Variants in GPR39 observed in about 807,000 individuals in gnomAD.
GPR39 encodes the protein G protein-coupled receptor 39.
Under a neutral mutation model 18.4 loss-of-function variants are expected in GPR39, and 23 were observed. That is an observed-to-expected ratio of 1.25 (90% CI 0.90 to 1.77). GPR39 has a LOEUF of 1.77. GPR39 is among the 40% of genes most tolerant of loss of function. The probability of loss-of-function intolerance (pLI) is 0.00; values close to 1 mark genes in which losing one functional copy is unlikely to be tolerated. For synonymous variants in GPR39, 280 were observed against 257.9 expected, an observed-to-expected ratio of 1.09 and a Z score of -0.82; for missense variants, 647 against 602.4, an observed-to-expected ratio of 1.07 and a Z score of -0.78.
chr2:132,588,733 GC>G (rs1308117111), intron 1 of GPR39, among the ~76,000 whole-genome samples: 1 of 152,180 alleles, frequency 6.6e-6, no homozygotes, highest in Non-Finnish European at 1.5e-5. Flanking sequence ...CAGACCTGGT[GC>G]CAGAGGTCAC....
Position 132,614,726 on chromosome 2 carries a change from A to G in GPR39, c.857-30375A>G, listed in dbSNP as rs1681302668. 2.6e-5 allele frequency among the ~76,000 whole-genome samples: 4 copies of G among 151,272 alleles called. No homozygotes were observed. The South Asian group carries it at 8.4e-4, about 32-fold the overall frequency. On this transcript the variant is annotated intron_variant, in intron 1 of 1. Coordinates refer to ENST00000329321, the MANE Select transcript of GPR39 (RefSeq NM_001508.3). ...CCACCACACCAGGCTAATTTTTTTT[A>G]TCTTTAGTAGAGATGGGGTTTTACC...
At chr2:132,511,234 C>T (rs1215218309) in intron 1 of GPR39, among the ~76,000 whole-genome samples, 1 of 152,098 alleles carries the variant, frequency 6.6e-6, no homozygotes, top group African/African-American at 2.4e-5. Flanking sequence ...CAAACCAAAC[C>T]TGATATTTTA....
At chr2:132,589,225 A>T (rs1037393181) in intron 1 of GPR39, among the ~76,000 whole-genome samples, 2 of 151,760 alleles carry the variant, frequency 1.3e-5, no homozygotes, top group African/African-American at 4.8e-5. Flanking sequence ...CCCCCTCCCC[A>T]TTGCCCCTCT....
chr2:132,498,641 A>G (rs1165239960), intron 1 of GPR39, among the ~76,000 whole-genome samples: 2 of 152,156 alleles, frequency 1.3e-5, no homozygotes, highest in African/African-American at 4.8e-5. Context: ...TTCTTTGAGG[A>G]ATCTTCACAC....
chr2:132,633,340 G>GTC (rs1681685822), intron 1 of GPR39, among the ~76,000 whole-genome samples: 1 of 37,308 alleles, frequency 2.7e-5, no homozygotes, highest in Non-Finnish European at 5.7e-5. Context: ...AAATACCTCT[G>GTC]TGTGTGTGTG....
chr2:132,564,818 T>TTTTTTTTC (rs1340706648), intron 1 of GPR39, among the ~76,000 whole-genome samples: 2 of 131,668 alleles, frequency 1.5e-5, no homozygotes, highest in Non-Finnish European at 3.2e-5. Flanking sequence ...TTCTTTTTTT[T>TTTTTTTTC]TTTTTTTTTT....
intron 1 of GPR39, among the ~76,000 whole-genome samples, chr2:132,441,375 G>A (rs1408888540): frequency 8.7e-6 from 1 of 115,434 alleles, no homozygotes; most frequent in African/African-American, 3.1e-5. Flanking sequence ...TTCTTTTCAT[G>A]CATATATGCT....
At chr2:132,546,195 C>T (rs1290817608) in intron 1 of GPR39, among the ~76,000 whole-genome samples, 2 of 152,106 alleles carry the variant, frequency 1.3e-5, no homozygotes, top group Admixed American at 6.5e-5. Context: ...CAGAATCACT[C>T]CCAGGGCTTG....
intron 1 of GPR39, among the ~76,000 whole-genome samples, chr2:132,517,279 A>T (rs184760686): frequency 2.6e-5 from 4 of 152,276 alleles, no homozygotes; most frequent in Admixed American, 2.6e-4. Flanking sequence ...CCCTAATAAA[A>T]ATAGTTGCCA....
At chr2:132,523,856 G>C (rs1301833690) in intron 1 of GPR39, 1 of 152,796 alleles carries the variant, frequency 6.5e-6, no homozygotes, top group Non-Finnish European at 1.5e-5. Context: ...AAGCTCTCAA[G>C]ATTAAATGAG....
At chr2:132,451,174 T>TGTGTGTGTGTGTGC (rs3219552) in intron 1 of GPR39, among the ~76,000 whole-genome samples, 2,762 of 150,428 alleles carry the variant, frequency 0.018, 44 homozygotes, top group Admixed American at 0.048. Flanking sequence ...TGTGTGTGTG[T>TGTGTGTGTGTGTGC]GCACGCGCGT....
In GPR39 at chr2:132,433,016, G is replaced by A. The variant is rs149197916; in HGVS notation, c.856+15118G>A. 3.2e-3 allele frequency among the ~76,000 whole-genome samples: 483 copies of A among 152,208 alleles called. 4 individuals carry two copies. Among genetic ancestry groups the A allele is most frequent in the African/African-American group, 0.011 (458 of 41,534 alleles). ...TATACATGATTTTTTCCCAATAAAC[G>A]TATTATAATACTTTTTGGAGATTTG... On this transcript the variant is annotated intron_variant, in intron 1 of 1. Coordinates refer to ENST00000329321, the MANE Select transcript of GPR39 (RefSeq NM_001508.3).
intron 1 of GPR39, among the ~76,000 whole-genome samples, chr2:132,493,239 TAC>T (rs1376662664): frequency 1.4e-5 from 2 of 144,706 alleles, no homozygotes; most frequent in Non-Finnish European, 3.0e-5. Context: ...ACCATATATA[TAC>T]ACCATATATA....
Position 132,493,384 on chromosome 2 carries a change from G to A in GPR39, c.856+75486G>A, listed in dbSNP as rs565265773. Among the ~76,000 whole-genome samples, 66 of 133,526 alleles carry A rather than the reference G, an allele frequency of 4.9e-4. No homozygotes were observed. The South Asian group carries it at 6.5e-3, about 13-fold the overall frequency. The allele number at this position is 133,526 out of a possible 152,430, so 87.6% of individuals were successfully genotyped here. A position where few individuals can be genotyped will look rare whatever the true frequency, so the allele number is the denominator to read the frequency against. Reference sequence around the variant, plus strand: ...TATATACACTATATATATACACACCGTATATATACACACCATATATATACA... The same window carrying A: ...TATATACACTATATATATACACACCATATATATACACACCATATATATACA... On this transcript the variant is annotated intron_variant, in intron 1 of 1. Transcript: ENST00000329321.
chr2:132,510,978 G>A (rs570957670), intron 1 of GPR39, among the ~76,000 whole-genome samples: 3 of 152,054 alleles, frequency 2.0e-5, no homozygotes, highest in African/African-American at 7.2e-5. Flanking sequence ...CAGATTAAAG[G>A]GTTTCTTTAT....
rs923702704 is a variant in GPR39 at position 132,423,255 on chromosome 2, C to G, written c.856+5357C>G. On this transcript the variant is annotated intron_variant, in intron 1 of 1. Transcript: ENST00000329321. Reference sequence around the variant, plus strand: ...GCTGCACATTCTTGTAGATGAATAGCTGTCTTCTCATTGTGTCCTGACCTG... The same window carrying G: ...GCTGCACATTCTTGTAGATGAATAGGTGTCTTCTCATTGTGTCCTGACCTG... 2.0e-5 allele frequency among the ~76,000 whole-genome samples: 3 copies of G among 150,422 alleles called. 1 individual carries two copies. Among genetic ancestry groups the G allele is most frequent in the African/African-American group, 7.5e-5 (3 of 40,008 alleles).
At chr2:132,553,042 C>T (rs564006556) in intron 1 of GPR39, among the ~76,000 whole-genome samples, 256 of 151,584 alleles carry the variant, frequency 1.7e-3, no homozygotes, top group African/African-American at 6.0e-3. Flanking sequence ...TCTCATGCCT[C>T]AGCCTCCCAA....
chr2:132,484,301 G>T (rs982270671), intron 1 of GPR39, among the ~76,000 whole-genome samples: 1 of 152,200 alleles, frequency 6.6e-6, no homozygotes, highest in Non-Finnish European at 1.5e-5. Flanking sequence ...CTGTTCAGCA[G>T]ACTAGAAATC....
chr2:132,441,224 A>G (rs1263135649), intron 1 of GPR39, among the ~76,000 whole-genome samples: 2 of 152,316 alleles, frequency 1.3e-5, no homozygotes, highest in East Asian at 1.9e-4. Context: ...AATGAGATGC[A>G]TATACAAACA....
Sources: allele counts gnomAD v4.1 joint callset (sites outside exome capture counted in the v4.1 genomes callset), GRCh38; gene constraint gnomAD v4.1.1; transcripts MANE v1.5; gene names NCBI Gene and HGNC (gene_info 2026-07-23, HGNC 2026-07-21).